JPH3: variants seen among roughly 807,000 people sequenced by gnomAD.
JPH3 encodes the protein junctophilin 3.
A neutral mutation model predicts 59.6 loss-of-function variants in JPH3; 11 were observed. The ratio of observed to expected loss-of-function variants is 0.18; its 90% CI spans 0.12 to 0.31. JPH3 has a LOEUF of 0.31. Among genes scored for constraint, JPH3 ranks in the 10% least tolerant of loss-of-function variants. The probability of loss-of-function intolerance (pLI) is 1.00; values close to 1 mark genes in which losing one functional copy is unlikely to be tolerated. For missense variants in JPH3, 1,202 were observed against 1,105.7 expected, an observed-to-expected ratio of 1.09 and a Z score of -1.24; for synonymous variants, 673 against 483.6, an observed-to-expected ratio of 1.39 and a Z score of -5.14.
chr16:87,607,863 G>T (rs1017702545), intron 1 of JPH3, among the ~76,000 whole-genome samples: 1 of 152,258 alleles, frequency 6.6e-6, no homozygotes, highest in Non-Finnish European at 1.5e-5. Context: ...AGTTGGAGAC[G>T]AAAGCGTTTT....
chr16:87,637,070 C>T (rs1271878252), intron 1 of JPH3, among the ~76,000 whole-genome samples: 1 of 152,226 alleles, frequency 6.6e-6, no homozygotes, highest in Non-Finnish European at 1.5e-5. Flanking sequence ...TGACTGTGTT[C>T]TCAAAGCCCC....
intron 2 of JPH3, among the ~76,000 whole-genome samples, chr16:87,649,531 G>A (rs1025365421): frequency 1.3e-5 from 2 of 152,190 alleles, no homozygotes; most frequent in African/African-American, 4.8e-5. Flanking sequence ...GTTGGGAATC[G>A]GAATGTAAAT....
At chr16:87,610,530 C>T (rs546306116) in intron 1 of JPH3, among the ~76,000 whole-genome samples, 42 of 151,978 alleles carry the variant, frequency 2.8e-4, no homozygotes, top group African/African-American at 8.4e-4. Context: ...CAAGTAAATG[C>T]GGTAGTATTT....
intron 2 of JPH3, among the ~76,000 whole-genome samples, chr16:87,669,997 C>T (rs1173926176): frequency 3.3e-5 from 5 of 152,244 alleles, no homozygotes; most frequent in South Asian, 4.1e-4. Flanking sequence ...TCCGAGGCTG[C>T]GTCCCGAGGC....
chr16:87,688,389 C>T (rs1597292371), intron 3 of JPH3, among the ~76,000 whole-genome samples: 1 of 152,204 alleles, frequency 6.6e-6, no homozygotes, highest in Non-Finnish European at 1.5e-5. Flanking sequence ...TGCTTGCTAA[C>T]GTCTCTTTAC....
At position 87,611,918 on chromosome 16, in the gene JPH3, A is replaced by G. The variant is rs1239711873; in HGVS notation, c.382+8390A>G. 6.6e-6 allele frequency among the ~76,000 whole-genome samples: 1 copy of G among 152,222 alleles called. No individual in the cohort carries two copies. Among genetic ancestry groups the G allele is most frequent in the African/African-American group, 2.4e-5 (1 of 41,460 alleles). On this transcript the variant is annotated intron_variant, in intron 1 of 4. Transcript: ENST00000284262. The surrounding 1 kb of genome is among the most constrained non-coding windows in gnomAD (Gnocchi z 4.5). ...GAGACGGTTAGAAATGCAGCGTGTC[A>G]GGCCTGCCTGACCTCCAGGGTCAGG...
intron 1 of JPH3, among the ~76,000 whole-genome samples, chr16:87,635,444 A>G (rs1051289693): frequency 1.3e-5 from 2 of 152,194 alleles, no homozygotes; most frequent in Admixed American, 1.3e-4. Flanking sequence ...CCTGCCAGCC[A>G]TACTTACCCA....
chr16:87,668,682 T>C (rs1448687292), intron 2 of JPH3, among the ~76,000 whole-genome samples: 1 of 152,228 alleles, frequency 6.6e-6, no homozygotes, highest in East Asian at 1.9e-4. Flanking sequence ...TCTGGCCAGA[T>C]ACCTCATCTG....
chr16:87,656,078 G>A (rs911501297), intron 2 of JPH3, among the ~76,000 whole-genome samples: 7 of 152,232 alleles, frequency 4.6e-5, no homozygotes, highest in Admixed American at 2.6e-4. Flanking sequence ...TTAACCGATC[G>A]GGGTGCATGG....
chr16:87,610,272 G>A (rs2030683184), intron 1 of JPH3, among the ~76,000 whole-genome samples: 5 of 152,200 alleles, frequency 3.3e-5, no homozygotes, highest in Admixed American at 2.6e-4. Context: ...AACAGGCAAC[G>A]AACCAGTACC....
intron 2 of JPH3, among the ~76,000 whole-genome samples, chr16:87,662,338 C>T (rs1019670672): frequency 6.6e-5 from 10 of 152,150 alleles, no homozygotes; most frequent in Admixed American, 2.0e-4. Context: ...TGGTTTCTGT[C>T]AGCAGCACAT....
Position 87,645,046 on chromosome 16 carries a change from G to A in JPH3, c.1160+11G>A, listed in dbSNP as rs773632150. The A allele has an allele frequency of 2.3e-5, 36 of 1,593,632 alleles. No individual in the cohort carries two copies. Among genetic ancestry groups the A allele is most frequent in the East Asian group, 8.9e-5 (4 of 44,814 alleles). ...GATCGCGGCTTCCAGGTAGGAGGGC[G>A]AGGGGGCGGGGGGCCCTTCTTGGTG... On this transcript the variant is annotated intron_variant, in intron 2 of 4. Coordinates refer to ENST00000284262, the MANE Select transcript of JPH3 (RefSeq NM_020655.4).
intron 1 of JPH3, among the ~76,000 whole-genome samples, chr16:87,642,094 C>G (rs1219522030): frequency 6.6e-6 from 1 of 152,094 alleles, no homozygotes; most frequent in African/African-American, 2.4e-5. Context: ...GGATCAGGAC[C>G]CTTTGGGGGG....
In JPH3 at chr16:87,644,943, C is replaced by T. The variant is rs1027449834; in HGVS notation, c.1068C>T (p.Ala356=). 8 of 1,612,098 alleles carry T rather than the reference C, an allele frequency of 5.0e-6. No homozygotes were observed. The highest frequency in any genetic ancestry group is 6.8e-6 in the Non-Finnish European group (8 of 1,179,922). ...GKRKNLIPLR[A]SKIREKVDRA... is the part of the protein sequence containing the mutation. ...GCAAGAACCTCATCCCCCTGCGGGC[C>T]AGCAAGATCCGCGAGAAGGTGGACC... is the stretch of plus-strand genomic sequence containing the variant. The change falls in exon 2 of 5, where the codon GCC becomes GCT. Residue 356 remains alanine (A), a synonymous_variant. Coordinates refer to ENST00000284262, the MANE Select transcript of JPH3 (RefSeq NM_020655.4).
chr16:87,656,894 C>T (rs1047401105), intron 2 of JPH3, among the ~76,000 whole-genome samples: 2 of 152,198 alleles, frequency 1.3e-5, no homozygotes, highest in East Asian at 1.9e-4. Flanking sequence ...GATCACTCCT[C>T]GGGCTCCTTC....
At chr16:87,616,952 C>T (rs1322916527) in intron 1 of JPH3, among the ~76,000 whole-genome samples, 1 of 152,210 alleles carries the variant, frequency 6.6e-6, no homozygotes, top group Non-Finnish European at 1.5e-5. Context: ...AGGCTGGGCT[C>T]CGTGGCTCAC....
chr16:87,673,836 G>A (rs1363049950), intron 2 of JPH3, among the ~76,000 whole-genome samples: 2 of 152,126 alleles, frequency 1.3e-5, no homozygotes, highest in African/African-American at 2.4e-5. Context: ...TGAGGCAGAA[G>A]AATCGCTTGA....
intron 1 of JPH3, among the ~76,000 whole-genome samples, chr16:87,642,264 A>G (rs2031980168): frequency 6.7e-6 from 1 of 150,120 alleles, no homozygotes. Context: ...GGCAGTGGGG[A>G]GTGGAGGGCT....
At chr16:87,692,205 C>G (rs548347263) in intron 4 of JPH3, among the ~76,000 whole-genome samples, 105 of 151,094 alleles carry the variant, frequency 6.9e-4, no homozygotes, top group Middle Eastern at 3.4e-3. Flanking sequence ...GTTTCCCTCC[C>G]TGTCTCCCTC....
Sources: gnomAD v4.1 joint callset for allele counts (sites outside exome capture counted in the v4.1 genomes callset) on GRCh38, gnomAD v4.1.1 for gene constraint, Gnocchi (gnomAD v3.1) non-coding constraint, MANE v1.5 for transcripts, NCBI Gene and HGNC (gene_info 2026-07-23, HGNC 2026-07-21) for gene names.